Variants in BNC2 observed in about 807,000 individuals in gnomAD.
BNC2 encodes the protein zinc finger protein basonuclin-2.
Under a neutral mutation model 76.3 loss-of-function variants are expected in BNC2, and 20 were observed. That is an observed-to-expected ratio of 0.26 (90% CI 0.18 to 0.38). The LOEUF (loss-of-function observed/expected upper bound fraction) is 0.38. BNC2 is among the 10% of genes least tolerant of loss of function. The pLI is 1.00. For synonymous variants in BNC2, 582 were observed against 514.8 expected (o/e 1.13, Z -1.77); for missense variants, 1,382 against 1,399.8 (o/e 0.99, Z 0.20).
rs760001945 is a variant in BNC2, at chr9:16,845,946, G to A, written c.3+24700C>T. Among the ~76,000 whole-genome samples the A allele has an allele frequency of 9.7e-4, 148 of 151,986 alleles. 1 individual carries two copies. Among genetic ancestry groups the A allele is most frequent in the Non-Finnish European group, 3.5e-4 (24 of 67,958 alleles). Reference sequence around the variant, plus strand: ...GGGCGGATCAGGAGGTCAGGAGATTGAGACCATCCTGGCTAACACGGTGAA... The same window carrying A: ...GGGCGGATCAGGAGGTCAGGAGATTAAGACCATCCTGGCTAACACGGTGAA... On this transcript the variant is annotated intron_variant, in intron 1 of 6. Transcript: ENST00000380672.
intron 1 of BNC2, among the ~76,000 whole-genome samples, chr9:16,764,742 T>TTC (rs1825644674): frequency 1.3e-5 from 2 of 151,556 alleles, no homozygotes; most frequent in African/African-American, 4.8e-5. Flanking sequence ...TTTGTCTGTT[T>TTC]TTTTTTTAAT....
chr9:16,780,886 T>G (rs965491387), intron 1 of BNC2, among the ~76,000 whole-genome samples: 24 of 152,328 alleles, frequency 1.6e-4, no homozygotes, highest in African/African-American at 5.8e-4. Flanking sequence ...TCCAGTTTTC[T>G]TTTAATTCTT....
intron 3 of BNC2, among the ~76,000 whole-genome samples, chr9:16,718,706 T>C (rs1563913554): frequency 6.6e-6 from 1 of 152,328 alleles, no homozygotes; most frequent in East Asian, 1.9e-4. Context: ...AAAGGCTATA[T>C]AGATAGCATA....
chr9:16,532,808 T>C (rs763743238), intron 5 of BNC2, among the ~76,000 whole-genome samples: 9 of 152,230 alleles, frequency 5.9e-5, no homozygotes, highest in Non-Finnish European at 1.3e-4. Flanking sequence ...TACCATATAA[T>C]AATGTGTGAC....
At chr9:16,540,156 A>ATTTT (rs36075261) in intron 5 of BNC2, among the ~76,000 whole-genome samples, 1 of 118,470 alleles carries the variant, frequency 8.4e-6, no homozygotes, top group African/African-American at 3.2e-5. Flanking sequence ...ATTTAACGTG[A>ATTTT]TTTTTTTTTT....
chr9:16,823,870 G>A (rs1308188112), intron 1 of BNC2, among the ~76,000 whole-genome samples: 2 of 152,050 alleles, frequency 1.3e-5, no homozygotes, highest in East Asian at 3.9e-4. Flanking sequence ...CTGTGGAGGT[G>A]ATTTTGAAAT....
intron 5 of BNC2, among the ~76,000 whole-genome samples, chr9:16,546,443 A>G (rs148543214): frequency 1.0e-3 from 157 of 152,284 alleles, no homozygotes; most frequent in African/African-American, 3.7e-3. Flanking sequence ...TGCACATGGT[A>G]TAGCTGAAAT....
chr9:16,487,200 G>C (rs972411228), intron 5 of BNC2, among the ~76,000 whole-genome samples: 1 of 152,134 alleles, frequency 6.6e-6, no homozygotes, highest in Non-Finnish European at 1.5e-5. Flanking sequence ...GTCTTGAGGG[G>C]GTCAAACGTC....
Position 16,778,634 on chromosome 9 carries a change from T to G in BNC2, c.4-40149A>C, listed in dbSNP as rs145357682. ...GGCTCAAAAGGAACAAGCACACTTC[T>G]AGTGCACATTGGACCGCAGAGCCTA... is the stretch of plus-strand genomic sequence containing the variant. On this transcript the variant is annotated intron_variant, in intron 1 of 6. Coordinates refer to ENST00000380672, the MANE Select transcript of BNC2 (RefSeq NM_017637.6). 5.3e-5 allele frequency among the ~76,000 whole-genome samples: 8 copies of G among 152,342 alleles called. No homozygotes were observed. The East Asian group carries it at 1.5e-3, about 29-fold the overall frequency.
chr9:16,630,014 G>C (rs1224830066), intron 3 of BNC2, among the ~76,000 whole-genome samples: 1 of 152,182 alleles, frequency 6.6e-6, no homozygotes, highest in Non-Finnish European at 1.5e-5. Flanking sequence ...TCCACACTAG[G>C]ACTTCTTTCA....
chr9:16,824,125 T>C (rs1818400614), intron 1 of BNC2, among the ~76,000 whole-genome samples: 1 of 152,182 alleles, frequency 6.6e-6, no homozygotes, highest in Non-Finnish European at 1.5e-5. Flanking sequence ...GGTCCTTTGA[T>C]AATCAGTCAT....
At chr9:16,448,332 G>A (rs530997939) in intron 5 of BNC2, among the ~76,000 whole-genome samples, 4 of 152,160 alleles carry the variant, frequency 2.6e-5, no homozygotes, top group East Asian at 1.9e-4. Flanking sequence ...AAAAATAGGC[G>A]CAAAAAATTT....
chr9:16,794,788 A>G (rs146046468), intron 1 of BNC2, among the ~76,000 whole-genome samples: 1 of 152,296 alleles, frequency 6.6e-6, no homozygotes. Flanking sequence ...AGACCTCTCA[A>G]TCACTCCAGA....
chr9:16,612,538 AT>A (rs1820578516), intron 3 of BNC2, among the ~76,000 whole-genome samples: 1 of 152,182 alleles, frequency 6.6e-6, no homozygotes, highest in Admixed American at 6.6e-5. Context: ...CTTAGCATGG[AT>A]TTTTATTCTT....
chr9:16,590,328 G>T (rs1294818740), intron 3 of BNC2, among the ~76,000 whole-genome samples: 1 of 151,914 alleles, frequency 6.6e-6, no homozygotes, highest in African/African-American at 2.4e-5. Context: ...ACGTAGCTGG[G>T]ATTTCAGGCG....
chr9:16,548,990 A>T (rs1381597115), intron 5 of BNC2, among the ~76,000 whole-genome samples: 1 of 152,214 alleles, frequency 6.6e-6, no homozygotes, highest in African/African-American at 2.4e-5. Flanking sequence ...TTAACTTTAT[A>T]AAAAAAGTAC....
intron 3 of BNC2, among the ~76,000 whole-genome samples, chr9:16,612,772 A>G (rs1289071232): frequency 6.6e-6 from 1 of 152,144 alleles, no homozygotes; most frequent in Admixed American, 6.6e-5. Context: ...GACTACTTCT[A>G]TTGAGGTAAT....
At position 16,436,534 on chromosome 9, in the gene BNC2, G is replaced by A; in HGVS notation, c.1660C>T (p.Leu554Phe). 1.2e-6 allele frequency: 2 copies of A among 1,614,162 alleles called. No individual in the cohort carries two copies. Reference sequence around the variant, plus strand: ...CCAGAAAATACTAGCTGGCTAGGGAGAGGATTTTGCAAGACAGGGTCTAGA... The same window carrying A: ...CCAGAAAATACTAGCTGGCTAGGGAAAGGATTTTGCAAGACAGGGTCTAGA... ...PPLDPVLQNP[L>F]PSQLVFSGLK... Residue 554 changes from leucine (L) to phenylalanine (F), a missense_variant, in exon 6 of 7, where the codon CTC becomes TTC. Physicochemically the swap from Leu to Phe is conservative, Grantham distance 22 (BLOSUM62 0). Around this residue, in one of 3 missense-constraint regions of BNC2, gnomAD observed 798 missense variants for 775.5 expected, o/e 1.03. Transcript: ENST00000380672.
intron 1 of BNC2, among the ~76,000 whole-genome samples, chr9:16,762,846 A>G (rs1439850006): frequency 6.6e-6 from 1 of 152,206 alleles, no homozygotes; most frequent in African/African-American, 2.4e-5. Flanking sequence ...ACAACAATGA[A>G]GAGGCCTTGC....
Sources: allele counts gnomAD v4.1 joint callset (sites outside exome capture counted in the v4.1 genomes callset), GRCh38; gene constraint gnomAD v4.1.1; regional missense constraint gnomAD v4.1.1; transcripts MANE v1.5; gene names NCBI Gene and HGNC (gene_info 2026-07-23, HGNC 2026-07-21).